GARRE1: variants seen among roughly 807,000 people sequenced by gnomAD.
The protein encoded by GARRE1 is granule associated Rac and RHOG effector 1.
A neutral mutation model predicts 103.2 loss-of-function variants in GARRE1; 49 were observed. The ratio of observed to expected loss-of-function variants is 0.47; its 90% CI spans 0.38 to 0.60. GARRE1 has a LOEUF of 0.60. Ranked by LOEUF, GARRE1 falls within the 20% of genes least tolerant of loss-of-function variation. The probability of loss-of-function intolerance (pLI) is 0.00; values close to 1 mark genes in which losing one functional copy is unlikely to be tolerated. For synonymous variants in GARRE1, 505 were observed against 532.8 expected (o/e 0.95, Z 0.72); for missense variants, 1,199 against 1,370.5 (o/e 0.87, Z 1.98).
intron 1 of GARRE1, among the ~76,000 whole-genome samples, chr19:34,265,236 A>G (rs898890837): frequency 4.6e-5 from 7 of 152,190 alleles, no homozygotes; most frequent in Admixed American, 2.6e-4. Flanking sequence ...CGAGGTGGAT[A>G]TATGTTCATG....
intron 10 of GARRE1, among the ~76,000 whole-genome samples, chr19:34,343,014 G>A (rs1382870099): frequency 6.6e-6 from 1 of 152,056 alleles, no homozygotes; most frequent in Non-Finnish European, 1.5e-5. Flanking sequence ...AGGGGGAAAA[G>A]CCAAAAATAA....
chr19:34,337,762 T>C (rs1664901), intron 8 of GARRE1, among the ~76,000 whole-genome samples: 65,501 of 152,162 alleles, frequency 0.43, 17,114 homozygotes, highest in Non-Finnish European at 0.59. Context: ...AGTTTGTTGA[T>C]TGTTGATTTT....
In GARRE1 at chr19:34,333,219, T is replaced by G. The variant is rs186870307; in HGVS notation, c.1264-485T>G. On this transcript the variant is annotated intron_variant, in intron 7 of 13. Transcript: ENST00000299505. ...ACCACACCCAGCTACTTTTTGTATT[T>G]TTAGTGGAGACGGGGTTTCACCATG... 5.3e-5 allele frequency among the ~76,000 whole-genome samples: 8 copies of G among 152,268 alleles called. No homozygotes were observed. The East Asian group carries it at 1.5e-3, about 29-fold the overall frequency.
chr19:34,315,710 CAAAAAA>C lies in GARRE1; in HGVS notation c.496-4180_496-4175del, dbSNP rs35321775. 6.4e-5 allele frequency among the ~76,000 whole-genome samples: 4 copies of C among 62,554 alleles called. No individual in the cohort carries two copies. In the Admixed American group the frequency reaches 6.8e-4, roughly 11 times the overall value. 41.0% of individuals were successfully genotyped at this position (62,554 alleles called of 152,430 possible). On this transcript the variant is annotated intron_variant, in intron 2 of 13. Transcript: ENST00000299505. ...TGGGCAACAGAGCAAGACTCTGTCTCAAAAAAAAAAAAAAAAAAAAAAGGGTAGTTT... is the reference window on the plus strand; with the variant it reads ...TGGGCAACAGAGCAAGACTCTGTCTCAAAAAAAAAAAAAAAAGGGTAGTTT...
intron 1 of GARRE1, among the ~76,000 whole-genome samples, chr19:34,289,460 C>T (rs571485952): frequency 5.1e-4 from 77 of 151,036 alleles, no homozygotes; most frequent in Non-Finnish European, 1.0e-3. Flanking sequence ...GGCATGGTGG[C>T]TCATGCCTGT....
chr19:34,282,564 C>G, intron 1 of GARRE1, among the ~76,000 whole-genome samples: 1 of 152,174 alleles, frequency 6.6e-6, no homozygotes, highest in Admixed American at 6.5e-5. Context: ...GGTCTGATCA[C>G]CTTTTCATCT....
intron 2 of GARRE1, among the ~76,000 whole-genome samples, chr19:34,303,332 A>G (rs2073990198): frequency 6.6e-6 from 1 of 152,216 alleles, no homozygotes; most frequent in Admixed American, 6.5e-5. Context: ...CCTGGGGTTA[A>G]GATCACCAGT....
In GARRE1 at chr19:34,296,378, C is replaced by T. The variant is rs1021813540; in HGVS notation, c.-795-3301C>T. The T allele has an allele frequency of 5.6e-6, 8 of 1,436,474 alleles. No homozygotes were observed. The Admixed American group carries it at 1.2e-4, about 21-fold the overall frequency. The allele number at this position is 1,436,474 out of a possible 1,614,324, so 89.0% of individuals were successfully genotyped here. A position where few individuals can be genotyped will look rare whatever the true frequency, so the allele number is the denominator to read the frequency against. The stretch of plus-strand genomic sequence containing the variant: ...CGCTGATTTGATCCTTGGCCTTGGC[C>T]TTTAGCCGGCACAGCCTGAGTCCCT... On this transcript the variant is annotated intron_variant, in intron 1 of 13. Coordinates refer to ENST00000299505, the MANE Select transcript of GARRE1 (RefSeq NM_014686.5).
In GARRE1 at chr19:34,327,861, T is replaced by G; in HGVS notation, c.937T>G (p.Leu313Val). ...GAATCCAAAGGCGATTGAAGCAAGT[T>G]TGCAGGTACACTTTTCCTTCCTAAA... ...HLNPKAIEAS[L>V]QGCCSEAEAQ... Residue 313 changes from leucine to valine, a missense_variant, in exon 5 of 14, where the codon TTG (leucine) becomes GTG (valine). By Grantham distance (32) the Leu-to-Val change is conservative (BLOSUM62 1). Transcript: ENST00000299505. The G allele has an allele frequency of 6.2e-7, 1 of 1,614,174 alleles. No homozygotes were observed. The highest frequency in any genetic ancestry group is 1.6e-4 in the Middle Eastern group (1 of 6,062).
At chr19:34,334,880 C>T (rs1034868221) in intron 8 of GARRE1, among the ~76,000 whole-genome samples, 1 of 151,892 alleles carries the variant, frequency 6.6e-6, no homozygotes, top group African/African-American at 2.4e-5. Context: ...ATGGTGAAAC[C>T]CTGTCTCTAC....
intron 1 of GARRE1, among the ~76,000 whole-genome samples, chr19:34,288,428 G>T (rs1419020331): frequency 2.0e-5 from 3 of 152,170 alleles, no homozygotes. Flanking sequence ...GAGAACAACT[G>T]TGGGGCCTCC....
intron 1 of GARRE1, among the ~76,000 whole-genome samples, chr19:34,263,242 T>C (rs2073730042): frequency 6.9e-6 from 1 of 145,942 alleles, no homozygotes. Context: ...ATAAAATAAA[T>C]AATGTCTCCC....
chr19:34,349,613 T>G (rs2074227495), intron 12 of GARRE1, among the ~76,000 whole-genome samples: 1 of 152,172 alleles, frequency 6.6e-6, no homozygotes, highest in South Asian at 2.1e-4. Flanking sequence ...AAAATTAAAA[T>G]GGGCTCTGAA....
At chr19:34,291,799 A>G (rs963953102) in intron 1 of GARRE1, among the ~76,000 whole-genome samples, 4 of 151,532 alleles carry the variant, frequency 2.6e-5, no homozygotes. Context: ...ACTTCAGAAC[A>G]TTTTCATCAC....
chr19:34,265,003 C>G (rs974391663), intron 1 of GARRE1, among the ~76,000 whole-genome samples: 3 of 151,762 alleles, frequency 2.0e-5, no homozygotes, highest in Non-Finnish European at 2.9e-5. Context: ...GATTATGTTC[C>G]TTGTGTCTGG....
At chr19:34,328,834 C>T (rs2074124883) in intron 6 of GARRE1, among the ~76,000 whole-genome samples, 1 of 152,036 alleles carries the variant, frequency 6.6e-6, no homozygotes. Flanking sequence ...TGTCGAACTC[C>T]TGACCTCAGC....
At chr19:34,302,798 G>A (rs2073987244) in intron 2 of GARRE1, among the ~76,000 whole-genome samples, 1 of 144,166 alleles carries the variant, frequency 6.9e-6, no homozygotes, top group African/African-American at 2.6e-5. Context: ...AAGCTGAAGT[G>A]CAGTGGCACT....
Position 34,339,827 on chromosome 19 carries a change from G to C in GARRE1, c.1362-40G>C, listed in dbSNP as rs192998161. On this transcript the variant is annotated intron_variant, in intron 8 of 13. Transcript: ENST00000299505. ...GACCTGCTTGAGACACCTTTGCAGA[G>C]AAATGCAGCCAAGACTAATGCAGCC... 1,793 of 1,613,048 alleles carry C rather than the reference G, an allele frequency of 1.1e-3. 6 individuals carry two copies. Among genetic ancestry groups the C allele is most frequent in the Non-Finnish European group, 1.1e-3 (1,347 of 1,179,390 alleles).
chr19:34,304,606 G>C (rs1433011477), intron 2 of GARRE1, among the ~76,000 whole-genome samples: 1 of 151,622 alleles, frequency 6.6e-6, no homozygotes, highest in Non-Finnish European at 1.5e-5. Flanking sequence ...TCAAACTCCT[G>C]ACCTCAAGTG....
Sources: allele counts gnomAD v4.1 joint callset (sites outside exome capture counted in the v4.1 genomes callset), GRCh38; gene constraint gnomAD v4.1.1; transcripts MANE v1.5; gene names NCBI Gene and HGNC (gene_info 2026-07-23, HGNC 2026-07-21).